WDR17: variants seen among roughly 807,000 people sequenced by gnomAD.
WDR17 encodes WD repeat-containing protein 17.
WDR17 carries 143 observed loss-of-function variants against 161.7 expected under a neutral mutation model. That is an observed-to-expected ratio of 0.88 (90% CI 0.77 to 1.02). The LOEUF (loss-of-function observed/expected upper bound fraction) is 1.02, where lower values mean the gene tolerates loss of function less well. Ranked by LOEUF, WDR17 falls within the 50% of genes least tolerant of loss-of-function variation. WDR17 has a pLI of 0.00. For synonymous variants in WDR17, 517 were observed against 515.6 expected (o/e 1.00, Z -0.04); for missense variants, 1,469 against 1,520.9 (o/e 0.97, Z 0.57).
chr4:176,142,774 T>TA (rs926101866), intron 11 of WDR17, among the ~76,000 whole-genome samples: 2 of 152,226 alleles, frequency 1.3e-5, no homozygotes, highest in Non-Finnish European at 2.9e-5. Context: ...AGTAAGGTAC[T>TA]AAAGCCTAAT....
intron 1 of WDR17, among the ~76,000 whole-genome samples, chr4:176,089,333 G>A (rs1175426139): frequency 6.6e-6 from 1 of 152,040 alleles, no homozygotes; most frequent in Non-Finnish European, 1.5e-5. Context: ...TACTATAAAT[G>A]GAATCATGCA....
intron 22 of WDR17, among the ~76,000 whole-genome samples, chr4:176,166,374 G>A (rs994860850): frequency 1.3e-5 from 2 of 152,082 alleles, no homozygotes; most frequent in African/African-American, 4.8e-5. Flanking sequence ...TACAATAAAT[G>A]AACTGTGATT....
chr4:176,169,650 T>C (rs1236378585), intron 23 of WDR17, among the ~76,000 whole-genome samples: 1 of 152,240 alleles, frequency 6.6e-6, no homozygotes, highest in East Asian at 1.9e-4. Context: ...CGTGATTTTT[T>C]TATCCCTAGT....
chr4:176,170,123 CTTA>C (rs1750491079), intron 23 of WDR17, among the ~76,000 whole-genome samples: 1 of 151,944 alleles, frequency 6.6e-6, no homozygotes, highest in Non-Finnish European at 1.5e-5. Context: ...AATGACCTCA[CTTA>C]TTATTTTCAG....
At chr4:176,083,839 G>A (rs1735071246) in intron 1 of WDR17, among the ~76,000 whole-genome samples, 1 of 152,046 alleles carries the variant, frequency 6.6e-6, no homozygotes, top group Non-Finnish European at 1.5e-5. Context: ...GCCAATCTGT[G>A]GTATTGTGCA....
At chr4:176,143,085 G>A (rs1745550083) in intron 11 of WDR17, among the ~76,000 whole-genome samples, 1 of 152,126 alleles carries the variant, frequency 6.6e-6, no homozygotes, top group East Asian at 1.9e-4. Context: ...CTCCATGCTG[G>A]TCAGGCTGGT....
At chr4:176,088,134 A>G (rs1252609562) in intron 1 of WDR17, among the ~76,000 whole-genome samples, 2 of 152,004 alleles carry the variant, frequency 1.3e-5, no homozygotes, top group African/African-American at 2.4e-5. Context: ...GTGAGCCACC[A>G]TCCCTGGCCT....
chr4:176,178,125 C>A (rs73005160), intron 28 of WDR17, among the ~76,000 whole-genome samples: 2,396 of 149,222 alleles, frequency 0.016, 71 homozygotes, highest in African/African-American at 0.057. Context: ...TGCTTCCATG[C>A]TAGCCCAATG....
At chr4:176,106,464 TA>T (rs528513428) in intron 1 of WDR17, among the ~76,000 whole-genome samples, 4 of 151,962 alleles carry the variant, frequency 2.6e-5, no homozygotes, top group South Asian at 4.2e-4. Context: ...TAACACCATA[TA>T]AAAAAATTAA....
chr4:176,176,087 T>C (rs904067183), intron 26 of WDR17, among the ~76,000 whole-genome samples: 1 of 152,172 alleles, frequency 6.6e-6, no homozygotes, highest in East Asian at 1.9e-4. Context: ...AAAGATATTA[T>C]AGGAGCAGTA....
chr4:176,102,410 A>G (rs889564626), intron 1 of WDR17, among the ~76,000 whole-genome samples: 1 of 152,206 alleles, frequency 6.6e-6, no homozygotes, highest in Non-Finnish European at 1.5e-5. Flanking sequence ...ACAAAATGAC[A>G]CAGATCTTAT....
At chr4:176,120,261 A>C (rs1247801860) in intron 4 of WDR17, among the ~76,000 whole-genome samples, 164 bp downstream of exon 4, 1 of 147,440 alleles carries the variant, frequency 6.8e-6, no homozygotes, top group Non-Finnish European at 1.5e-5. Flanking sequence ...CCAGTATTGT[A>C]CTGAGTCTAA....
intron 1 of WDR17, among the ~76,000 whole-genome samples, chr4:176,074,715 C>G (rs972370980): frequency 2.0e-5 from 3 of 151,634 alleles, no homozygotes; most frequent in African/African-American, 7.3e-5. Flanking sequence ...TTATCCTCCC[C>G]AAGCACTGGG....
chr4:176,099,918 G>T (rs1302420088), intron 1 of WDR17, among the ~76,000 whole-genome samples: 2 of 152,062 alleles, frequency 1.3e-5, no homozygotes, highest in Non-Finnish European at 2.9e-5. Context: ...CAAAATACAT[G>T]ATTTTTAATG....
chr4:176,119,854 T>C lies in WDR17; in HGVS notation c.308-13T>C, dbSNP rs1579100260. On this transcript the variant is annotated splice_polypyrimidine_tract_variant and intron_variant, in intron 3 of 28. Coordinates refer to ENST00000508596, the MANE Select transcript of WDR17 (RefSeq NM_181265.4). ...TGTATCTTTATTATGTATCTGTATT[T>C]AATGTATTCCAGGGATCCCTGCTTC... The C allele has an allele frequency of 1.2e-6, 2 of 1,609,224 alleles. No individual in the cohort carries two copies. Among genetic ancestry groups the C allele is most frequent in the East Asian group, 4.5e-5 (2 of 44,862 alleles).
rs1290149232 is a variant in WDR17 at position 176,111,648 on chromosome 4, C to T, written c.68C>T (p.Ala23Val). The change falls in exon 2 of 29, where the codon GCT (alanine) becomes GTT (valine). Residue 23 changes from alanine (A) to valine (V), a missense_variant. Transcript: ENST00000508596. ...CAGCCATGGAACAAGGATGTATGTG[C>T]TGCCAGTGGAGACAGGTTTGCATAT... ...GCQPWNKDVC[A>V]ASGDRFAYCA... 6.2e-7 allele frequency: 1 copy of T among 1,610,820 alleles called. No homozygotes were observed. Among genetic ancestry groups the T allele is most frequent in the South Asian group, 1.1e-5 (1 of 90,644 alleles).
In WDR17 at chr4:176,112,756, C is replaced by A. The variant is rs145030929; in HGVS notation, c.123+1053C>A. Among the ~76,000 whole-genome samples, 568 of 152,212 alleles carry A rather than the reference C, an allele frequency of 3.7e-3. 2 individuals carry two copies. Among genetic ancestry groups the A allele is most frequent in the African/African-American group, 0.013 (536 of 41,542 alleles). ...TTCATTTATTAGGAGTCTTTCCCAT[C>A]TTTTAATTCTCACATTTTTGCACTT... On this transcript the variant is annotated intron_variant, in intron 2 of 28. Transcript: ENST00000508596.
rs552336346 is a variant in WDR17 at position 176,173,841 on chromosome 4, T to C, written c.3347+472T>C. 3.3e-5 allele frequency among the ~76,000 whole-genome samples: 5 copies of C among 151,340 alleles called. No homozygotes were observed. In the East Asian group the frequency reaches 9.7e-4, roughly 29 times the overall value. On this transcript the variant is annotated intron_variant, in intron 25 of 28. Coordinates refer to ENST00000508596, the MANE Select transcript of WDR17 (RefSeq NM_181265.4). ...TTTGTTATGTTTTTAAGAAAAAAAA[T>C]GTAGAGGTCAACTTGAAACAGAGTA... is the stretch of plus-strand genomic sequence containing the variant.
chr4:176,116,001 A>C, intron 3 of WDR17, 22 bp downstream of exon 3: 1 of 1,570,054 alleles, frequency 6.4e-7, no homozygotes, highest in Non-Finnish European at 8.6e-7. Context: ...ACTGGGATTT[A>C]TTTTATGGAA....
Sources: allele counts gnomAD v4.1 joint callset (sites outside exome capture counted in the v4.1 genomes callset), GRCh38; gene constraint gnomAD v4.1.1; transcripts MANE v1.5; gene names NCBI Gene and HGNC (gene_info 2026-07-23, HGNC 2026-07-21).